PPARG: variants seen among roughly 807,000 people sequenced by gnomAD.
The protein encoded by PPARG is peroxisome proliferator-activated receptor gamma.
A neutral mutation model predicts 39.2 loss-of-function variants in PPARG; 17 were observed. The ratio of observed to expected loss-of-function variants is 0.43; its 90% CI spans 0.30 to 0.65. The LOEUF (loss-of-function observed/expected upper bound fraction) is 0.65, where lower values mean the gene tolerates loss of function less well. Ranked by LOEUF, PPARG falls within the 30% of genes least tolerant of loss-of-function variation. The pLI, the probability that PPARG is intolerant of heterozygous loss-of-function variation, is 0.13. For missense variants in PPARG, 406 were observed against 585.9 expected (o/e 0.69, Z 3.17); for synonymous variants, 223 against 215.7 (o/e 1.03, Z -0.30).
intron 1 of PPARG, among the ~76,000 whole-genome samples, chr3:12,304,401 G>A (rs1413733284): frequency 1.3e-5 from 2 of 152,228 alleles, no homozygotes; most frequent in Non-Finnish European, 2.9e-5. Flanking sequence ...TTTAGAGGAT[G>A]TGGAGGACGT....
At chr3:12,390,806 C>T (rs563315133) in intron 4 of PPARG, among the ~76,000 whole-genome samples, 1 of 151,862 alleles carries the variant, frequency 6.6e-6, no homozygotes, top group African/African-American at 2.4e-5. Flanking sequence ...TGCCACCACA[C>T]CTGCCTAAAT....
chr3:12,381,970 C>G (rs1307811725), intron 4 of PPARG, among the ~76,000 whole-genome samples: 2 of 152,026 alleles, frequency 1.3e-5, no homozygotes, highest in Non-Finnish European at 2.9e-5. Context: ...ATTGTATAGA[C>G]AGAAGATTTT....
In PPARG at chr3:12,434,109, C is replaced by A; in HGVS notation, c.1392C>A (p.His464Gln). 6.2e-7 allele frequency: 1 copy of A among 1,613,614 alleles called. No homozygotes were observed. The highest frequency in any genetic ancestry group is 8.5e-7 in the Non-Finnish European group (1 of 1,179,918). The change falls in exon 8 of 8, where the codon CAC becomes CAA. Residue 464 changes from histidine to glutamine, a missense_variant. Physicochemically the swap from His to Gln is conservative, Grantham distance 24. Around this residue, in one of 2 missense-constraint regions of PPARG, gnomAD observed 275 missense variants for 458.0 expected, o/e 0.60. Transcript: ENST00000651735. This position sits in a 1 kb window ranked among gnomAD's most constrained non-coding sequence, Gnocchi z 4.2. ...AGACGGAGACAGACATGAGTCTTCA[C>A]CCGCTCCTGCAGGAGATCTACAAGG... ...IKKTETDMSL[H>Q]PLLQEIYKDL...
chr3:12,397,914 C>CA (rs1468979873), intron 5 of PPARG, among the ~76,000 whole-genome samples: 1 of 152,114 alleles, frequency 6.6e-6, no homozygotes, highest in Non-Finnish European at 1.5e-5. Context: ...ACTTTCCACT[C>CA]ACACCTCAGG....
chr3:12,408,286 G>A (rs898008543), intron 6 of PPARG, among the ~76,000 whole-genome samples: 4 of 152,178 alleles, frequency 2.6e-5, no homozygotes, highest in South Asian at 2.1e-4. Context: ...GAAAATTTTT[G>A]TGCTGTTCTG....
intron 2 of PPARG, among the ~76,000 whole-genome samples, chr3:12,341,190 A>G (rs1215527306): frequency 2.0e-5 from 3 of 152,036 alleles, no homozygotes; most frequent in Admixed American, 2.0e-4. Flanking sequence ...CTCAAAAAAA[A>G]AAAAAAGATT....
chr3:12,287,876 G>GCCCGGCTCGGCCCGA (rs1406690513), upstream of PPARG: 1 of 136,322 alleles, frequency 7.3e-6, no homozygotes, highest in Non-Finnish European at 1.6e-5. Flanking sequence ...CCCGCGCCGG[G>GCCCGGCTCGGCCCGA]CCCGGCTCGG....
intron 2 of PPARG, among the ~76,000 whole-genome samples, chr3:12,338,681 T>C (rs1261959029): frequency 2.0e-5 from 3 of 152,238 alleles, no homozygotes; most frequent in Non-Finnish European, 4.4e-5. Flanking sequence ...TAATGCCATA[T>C]CTGATTAAAT....
At chr3:12,348,974 C>A (rs1218386513) in intron 2 of PPARG, among the ~76,000 whole-genome samples, 1 of 152,310 alleles carries the variant, frequency 6.6e-6, no homozygotes, top group East Asian at 1.9e-4. Context: ...GGGATAGTCA[C>A]GTGCATGTCT....
chr3:12,388,276 A>G (rs149740484), intron 4 of PPARG, among the ~76,000 whole-genome samples: 117 of 152,324 alleles, frequency 7.7e-4, no homozygotes, highest in Middle Eastern at 3.4e-3. Flanking sequence ...TGCTGATCTC[A>G]CAAGAGGTAG....
chr3:12,341,032 A>G (rs1275724142), intron 2 of PPARG, among the ~76,000 whole-genome samples: 1 of 152,090 alleles, frequency 6.6e-6, no homozygotes, highest in African/African-American at 2.4e-5. Context: ...AAAATGCAAA[A>G]ATTAGCCAGG....
intron 2 of PPARG, chr3:12,328,373 G>A (rs1390008615): frequency 3.0e-6 from 2 of 664,020 alleles, no homozygotes; most frequent in Non-Finnish European, 5.3e-6. Context: ...TGCCCTGATG[G>A]ATGCTTTATT....
Position 12,379,862 on chromosome 3 carries a change from A to T in PPARG, c.151A>T (p.Ile51Phe). 6.2e-7 allele frequency: 1 copy of T among 1,613,950 alleles called. No individual in the cohort carries two copies. Among genetic ancestry groups the T allele is most frequent in the Non-Finnish European group, 8.5e-7 (1 of 1,179,846 alleles). The change falls in exon 3 of 8, where the codon ATT becomes TTT. Residue 51 changes from isoleucine to phenylalanine, a missense_variant. By Grantham distance (21) the Ile-to-Phe change is conservative. Around this residue, in one of 2 missense-constraint regions of PPARG, gnomAD observed 131 missense variants for 127.9 expected, o/e 1.02. Transcript: ENST00000651735. ...CATTTCTACTCCACATTACGAAGAC[A>T]TTCCATTCACAAGAACAGATCCAGT... ...SSISTPHYED[I>F]PFTRTDPVVA...
intron 1 of PPARG, among the ~76,000 whole-genome samples, chr3:12,308,954 A>C (rs2047152278): frequency 6.6e-6 from 1 of 152,254 alleles, no homozygotes; most frequent in African/African-American, 2.4e-5. Context: ...AGTAAGTTTG[A>C]GAACCATTGA....
intron 2 of PPARG, among the ~76,000 whole-genome samples, chr3:12,375,025 A>T (rs1482974903): frequency 2.6e-5 from 4 of 152,232 alleles, no homozygotes; most frequent in Non-Finnish European, 4.4e-5. Flanking sequence ...CTATTTTCAC[A>T]TTAAAAATTT....
chr3:12,402,200 A>G (rs747500353), intron 5 of PPARG, among the ~76,000 whole-genome samples: 12 of 152,228 alleles, frequency 7.9e-5, no homozygotes, highest in Non-Finnish European at 8.8e-5. Flanking sequence ...ATAAAGAGAC[A>G]GTATTGTGTG....
chr3:12,379,758 G>C lies in PPARG; in HGVS notation c.47G>C (p.Ser16Thr). The C allele has an allele frequency of 1.2e-6, 2 of 1,613,992 alleles. No individual in the cohort carries two copies. Among genetic ancestry groups the C allele is most frequent in the Non-Finnish European group, 1.7e-6 (2 of 1,179,946 alleles). Residue 16 changes from serine to threonine, a missense_variant, in exon 3 of 8, where the codon AGC (serine) becomes ACC (threonine). Transcript: ENST00000651735. ...MPFWPTNFGI[S>T]SVDLSVMEDH... Reference sequence around the variant, plus strand: ...TTCTGGCCCACCAACTTTGGGATCAGCTCCGTGGATCTCTCCGTAATGGAA... The same window carrying C: ...TTCTGGCCCACCAACTTTGGGATCACCTCCGTGGATCTCTCCGTAATGGAA...
intron 5 of PPARG, among the ~76,000 whole-genome samples, chr3:12,394,632 G>A (rs552047819): frequency 4.9e-4 from 75 of 152,300 alleles, no homozygotes; most frequent in Non-Finnish European, 7.8e-4. Flanking sequence ...GACTTAGGCA[G>A]TTCAACACTT....
intron 1 of PPARG, among the ~76,000 whole-genome samples, chr3:12,296,942 C>A (rs6795946): frequency 0.29 from 43,624 of 151,844 alleles, 6,486 homozygotes; most frequent in East Asian, 0.49. Flanking sequence ...TTTTAAAATT[C>A]TATAATTTCA....
Sources: allele counts gnomAD v4.1 joint callset (sites outside exome capture counted in the v4.1 genomes callset), GRCh38; gene constraint gnomAD v4.1.1; regional missense constraint gnomAD v4.1.1; non-coding constraint Gnocchi (gnomAD v3.1); transcripts MANE v1.5; gene names NCBI Gene and HGNC (gene_info 2026-07-23, HGNC 2026-07-21).